The following SYNE1 variants were observed in gnomAD, a reference collection of about 807,000 sequenced individuals.
SYNE1 encodes nesprin-1.
SYNE1 carries 616 observed loss-of-function variants against 1,111.0 expected under a neutral mutation model. That is an observed-to-expected ratio of 0.55 (90% CI 0.52 to 0.59). SYNE1 has a LOEUF of 0.59. Among genes scored for constraint, SYNE1 ranks in the 20% least tolerant of loss-of-function variants. The pLI is 0.00. For synonymous variants in SYNE1, 3,855 were observed against 3,825.8 expected, an observed-to-expected ratio of 1.01 and a Z score of -0.28; for missense variants, 10,006 against 10,417.0, an observed-to-expected ratio of 0.96 and a Z score of 1.72.
intron 6 of SYNE1, among the ~76,000 whole-genome samples, chr6:152,513,223 A>C (rs1037144599): frequency 2.6e-5 from 4 of 152,288 alleles, no homozygotes; most frequent in South Asian, 4.1e-4. Context: ...GGAATGAATT[A>C]TTATTTGTGT....
At chr6:152,249,578 G>C (rs1460577379) in intron 104 of SYNE1, among the ~76,000 whole-genome samples, 1 of 152,164 alleles carries the variant, frequency 6.6e-6, no homozygotes, top group Non-Finnish European at 1.5e-5. Context: ...ACATTGCACA[G>C]AAATATTATA....
intron 38 of SYNE1, 188 bp downstream of exon 38, chr6:152,427,505 G>A (rs917245610): frequency 1.7e-5 from 11 of 666,468 alleles, no homozygotes; most frequent in Middle Eastern, 4.1e-4. Flanking sequence ...CTCATTGTTA[G>A]TTTCTCTCCC....
chr6:152,563,744 TG>T (rs1471577214), intron 3 of SYNE1, among the ~76,000 whole-genome samples: 2 of 152,202 alleles, frequency 1.3e-5, no homozygotes, highest in African/African-American at 4.8e-5. Context: ...AGAAATTAAA[TG>T]GACATTTTTT....
intron 124 of SYNE1, among the ~76,000 whole-genome samples, chr6:152,209,053 C>T (rs1354171775): frequency 6.6e-6 from 1 of 152,088 alleles, no homozygotes; most frequent in African/African-American, 2.4e-5. Flanking sequence ...AAGAGTCTGT[C>T]CCGCATGAAA....
intron 42 of SYNE1, among the ~76,000 whole-genome samples, chr6:152,412,693 G>A (rs1033392795): frequency 1.8e-4 from 27 of 152,040 alleles, no homozygotes; most frequent in Middle Eastern, 3.4e-3. Flanking sequence ...ATAGCATTGC[G>A]TATGAAAAAA....
intron 3 of SYNE1, among the ~76,000 whole-genome samples, chr6:152,574,522 CTTTGT>C (rs1379389580): frequency 6.6e-6 from 1 of 152,066 alleles, no homozygotes; most frequent in Non-Finnish European, 1.5e-5. Context: ...TCTCTTCAGT[CTTTGT>C]TGGTTGATTA....
chr6:152,122,094 A>ATCTCGG lies in SYNE1; in HGVS notation c.*341_*342insCCGAGA. The stretch of plus-strand genomic sequence containing the variant: ...GCAGCACCATGGGAAAGCTGCCCAG[A>ATCTCGG]TGGTCTACTGAAGTCCTTGGCTGTG... On this transcript the variant is annotated 3_prime_UTR_variant, in exon 146 of 146. Coordinates refer to ENST00000367255, the MANE Select transcript of SYNE1 (RefSeq NM_182961.4). 1.1e-5 allele frequency: 4 copies of ATCTCGG among 367,194 alleles called. No individual in the cohort carries two copies. The highest frequency in any genetic ancestry group is 6.3e-5 in the East Asian group (1 of 15,926). 22.7% of individuals were successfully genotyped at this position (367,194 alleles called of 1,614,324 possible). A position where few individuals can be genotyped will look rare whatever the true frequency, so the allele number is the denominator to read the frequency against.
intron 3 of SYNE1, among the ~76,000 whole-genome samples, chr6:152,578,130 C>G (rs2099507116): frequency 6.6e-6 from 1 of 152,042 alleles, no homozygotes; most frequent in Admixed American, 6.6e-5. Flanking sequence ...TTGTTAAATT[C>G]ATGAAATCTG....
At chr6:152,538,628 G>GA (rs912343260) in intron 4 of SYNE1, among the ~76,000 whole-genome samples, 4,360 of 128,922 alleles carry the variant, frequency 0.034, 246 homozygotes, top group African/African-American at 0.11. Context: ...TTTTCATTTT[G>GA]AAAAAAAAAA....
chr6:152,334,636 T>C lies in SYNE1; in HGVS notation c.12529-363A>G, dbSNP rs572309469. ...TCTAAGAATTTTTAAGGAGTTCATG[T>C]TTTTCAAAATTTATTCTTAAACTAA... On this transcript the variant is annotated intron_variant, in intron 76 of 145. Transcript: ENST00000367255. 5.9e-5 allele frequency among the ~76,000 whole-genome samples: 9 copies of C among 152,302 alleles called. No homozygotes were observed. The East Asian group carries it at 1.7e-3, about 29-fold the overall frequency.
At chr6:152,160,355 T>G (rs1389781972) in intron 131 of SYNE1, among the ~76,000 whole-genome samples, 2 of 152,172 alleles carry the variant, frequency 1.3e-5, no homozygotes, top group Non-Finnish European at 2.9e-5. Context: ...GCCCATCAGA[T>G]AATCTAGCCC....
chr6:152,414,998 C>G (rs1477869442), intron 41 of SYNE1, among the ~76,000 whole-genome samples: 1 of 152,142 alleles, frequency 6.6e-6, no homozygotes, highest in Non-Finnish European at 1.5e-5. Flanking sequence ...TGACTAAATC[C>G]TCGACATAAT....
At chr6:152,155,659 G>A (rs1329705855) in intron 132 of SYNE1, among the ~76,000 whole-genome samples, 1 of 152,142 alleles carries the variant, frequency 6.6e-6, no homozygotes, top group Non-Finnish European at 1.5e-5. Context: ...TGTTTGACAA[G>A]GGTGTATTTT....
intron 14 of SYNE1, 145 bp from the exon 15 acceptor site, chr6:152,472,558 C>A (rs1432094558): frequency 3.9e-6 from 3 of 760,654 alleles, no homozygotes; most frequent in Non-Finnish European, 6.9e-6. Context: ...TGGTGCCTGT[C>A]AAAGGCTCTT....
At position 152,231,540 on chromosome 6, in the gene SYNE1, GT is replaced by G; in HGVS notation, c.20889del (p.Lys6963AsnfsTer3). 1 of 1,613,984 alleles carries G rather than the reference GT, an allele frequency of 6.2e-7. No homozygotes were observed. ...TGGTTCACAAAATCCACTGTCAGCTGTTTACAGTTAATGTCTATCTTAAAAC... is the reference window on the plus strand; with the variant it reads ...TGGTTCACAAAATCCACTGTCAGCTGTTACAGTTAATGTCTATCTTAAAAC... ...YKGFKIDINC[K>X]QLTVDFVNQS... On this transcript the variant is annotated frameshift_variant, in exon 114 of 146. Transcript: ENST00000367255. LOFTEE classifies it high-confidence loss of function.
intron 97 of SYNE1, among the ~76,000 whole-genome samples, chr6:152,281,582 T>C (rs1318473289): frequency 1.3e-5 from 2 of 152,192 alleles, no homozygotes; most frequent in Non-Finnish European, 2.9e-5. Flanking sequence ...ACATGACCTT[T>C]AGGAAGCCGG....
intron 3 of SYNE1, among the ~76,000 whole-genome samples, chr6:152,553,015 T>G (rs1486239775): frequency 6.6e-6 from 1 of 152,244 alleles, no homozygotes; most frequent in Middle Eastern, 3.2e-3. Flanking sequence ...CTTTTAATAA[T>G]AATAGAAATC....
At chr6:152,207,531 T>A (rs777276217) in intron 125 of SYNE1, among the ~76,000 whole-genome samples, 1 of 152,100 alleles carries the variant, frequency 6.6e-6, no homozygotes, top group African/African-American at 2.4e-5. Flanking sequence ...ATAGGAGATA[T>A]CTCTCTAAGA....
At chr6:152,594,523 C>T (rs2099575515) in intron 3 of SYNE1, among the ~76,000 whole-genome samples, 1 of 152,202 alleles carries the variant, frequency 6.6e-6, no homozygotes, top group African/African-American at 2.4e-5. Context: ...TCCAATGAAT[C>T]TATGAAATCT....
Sources: gnomAD v4.1 joint callset for allele counts (sites outside exome capture counted in the v4.1 genomes callset) on GRCh38, gnomAD v4.1.1 for gene constraint, MANE v1.5 for transcripts, NCBI Gene and HGNC (gene_info 2026-07-23, HGNC 2026-07-21) for gene names.